Variants in MAPK4 observed in about 807,000 individuals in gnomAD.
The protein encoded by MAPK4 is mitogen-activated protein kinase 4.
A neutral mutation model predicts 47.7 loss-of-function variants in MAPK4; 22 were observed. The observed-to-expected ratio is 0.46, with a 90% confidence interval of 0.33 to 0.66. The LOEUF is 0.66. MAPK4 is among the 30% of genes least tolerant of loss of function. The pLI, the probability that MAPK4 is intolerant of heterozygous loss-of-function variation, is 0.02. For missense variants in MAPK4, 736 were observed against 831.7 expected, an observed-to-expected ratio of 0.88 and a Z score of 1.42; for synonymous variants, 390 against 365.7, an observed-to-expected ratio of 1.07 and a Z score of -0.76.
At chr18:50,561,992 C>T (rs534732863) in intron 1 of MAPK4, among the ~76,000 whole-genome samples, 1 of 152,222 alleles carries the variant, frequency 6.6e-6, no homozygotes, top group African/African-American at 2.4e-5. Flanking sequence ...ACTGTCATAC[C>T]GTGCTTAAAC....
chr18:50,565,309 G>C (rs1477581412), intron 1 of MAPK4, among the ~76,000 whole-genome samples: 1 of 152,210 alleles, frequency 6.6e-6, no homozygotes, highest in African/African-American at 2.4e-5. Context: ...GGCAGGGATC[G>C]TTCCGGTTTA....
chr18:50,693,458 A>G (rs1381250418), intron 2 of MAPK4, among the ~76,000 whole-genome samples: 1 of 152,184 alleles, frequency 6.6e-6, no homozygotes, highest in Non-Finnish European at 1.5e-5. Context: ...AAAGAGACAG[A>G]AAAAAATACA....
intron 1 of MAPK4, among the ~76,000 whole-genome samples, chr18:50,588,295 C>T (rs2042405944): frequency 6.6e-6 from 1 of 152,164 alleles, no homozygotes; most frequent in Non-Finnish European, 1.5e-5. Flanking sequence ...GCTTTGCTGT[C>T]ATGTCTCACA....
chr18:50,621,318 G>A (rs1196735616), intron 1 of MAPK4, among the ~76,000 whole-genome samples: 1 of 152,104 alleles, frequency 6.6e-6, no homozygotes, highest in African/African-American at 2.4e-5. Context: ...ACAACTAAAG[G>A]ACAAAAATAA....
Position 50,726,143 on chromosome 18 carries a change from C to G in MAPK4, c.1035C>G (p.Ser345Arg), listed in dbSNP as rs749227781. Residue 345 changes from serine to arginine, a missense_variant, in exon 5 of 6, where the codon AGC becomes AGG. By Grantham distance (110) the Ser-to-Arg change is moderately radical. Coordinates refer to ENST00000400384, the MANE Select transcript of MAPK4 (RefSeq NM_002747.4). Reference sequence around the variant, plus strand: ...TCGTGCTGATGGCCGCTAACCAGAGCCAGCTGTCCAACTGGGACACGTGCA... The same window carrying G: ...TCGTGCTGATGGCCGCTAACCAGAGGCAGCTGTCCAACTGGGACACGTGCA... ...DDIVLMAANQ[S>R]QLSNWDTCSS... 3 of 1,614,106 alleles carry G rather than the reference C, an allele frequency of 1.9e-6. No homozygotes were observed. The highest frequency in any genetic ancestry group is 2.2e-5 in the East Asian group (1 of 44,880).
intron 5 of MAPK4, among the ~76,000 whole-genome samples, chr18:50,727,593 A>T (rs796817659): frequency 6.6e-6 from 1 of 152,204 alleles, no homozygotes; most frequent in African/African-American, 2.4e-5. Flanking sequence ...GAGAGCCTGG[A>T]GGCAAAGAAC....
chr18:50,626,558 G>A (rs2042780338), intron 1 of MAPK4, among the ~76,000 whole-genome samples: 1 of 152,216 alleles, frequency 6.6e-6, no homozygotes, highest in South Asian at 2.1e-4. Context: ...TGTCACATGT[G>A]GCCCACTTGC....
chr18:50,726,874 A>G (rs1468487914), intron 5 of MAPK4, among the ~76,000 whole-genome samples: 1 of 151,274 alleles, frequency 6.6e-6, no homozygotes. Context: ...AAAAAATGCC[A>G]TTAACGGGGG....
At chr18:50,690,715 T>C (rs558761803) in intron 2 of MAPK4, among the ~76,000 whole-genome samples, 1 of 152,358 alleles carries the variant, frequency 6.6e-6, no homozygotes, top group Admixed American at 6.5e-5. Context: ...TTGTCATTCC[T>C]CTTAGGGAAT....
chr18:50,668,802 GA>G (rs1907760435), intron 2 of MAPK4, among the ~76,000 whole-genome samples: 1 of 152,214 alleles, frequency 6.6e-6, no homozygotes, highest in Admixed American at 6.5e-5. Flanking sequence ...AACTGGAAGG[GA>G]AGGAGACTCG....
At chr18:50,633,983 T>C (rs1327772089) in intron 1 of MAPK4, among the ~76,000 whole-genome samples, 1 of 152,132 alleles carries the variant, frequency 6.6e-6, no homozygotes, top group East Asian at 1.9e-4. Flanking sequence ...TAAATTTGGA[T>C]TTGGGGAGGG....
chr18:50,727,848 G>C (rs1222452878), intron 5 of MAPK4, among the ~76,000 whole-genome samples: 1 of 152,196 alleles, frequency 6.6e-6, no homozygotes, highest in East Asian at 1.9e-4. Flanking sequence ...TAAAGCGGGG[G>C]TGATAACACA....
intron 2 of MAPK4, among the ~76,000 whole-genome samples, chr18:50,699,218 A>C (rs1452066184): frequency 2.6e-5 from 4 of 152,220 alleles, no homozygotes; most frequent in Non-Finnish European, 5.9e-5. Flanking sequence ...TGTGAATGAT[A>C]TAACCAGGAA....
At chr18:50,697,717 G>T (rs904536296) in intron 2 of MAPK4, among the ~76,000 whole-genome samples, 1 of 152,182 alleles carries the variant, frequency 6.6e-6, no homozygotes, top group East Asian at 1.9e-4. Context: ...GTAGGAAGCC[G>T]AATAACATCA....
intron 2 of MAPK4, among the ~76,000 whole-genome samples, chr18:50,688,085 C>A (rs1908991759): frequency 6.6e-6 from 1 of 152,168 alleles, no homozygotes; most frequent in South Asian, 2.1e-4. Context: ...GCTGGCACTT[C>A]TCTGGGGTAT....
chr18:50,640,398 A>T (rs1047221055), intron 1 of MAPK4, among the ~76,000 whole-genome samples: 7 of 151,902 alleles, frequency 4.6e-5, no homozygotes, highest in Admixed American at 3.3e-4. Context: ...AAAAAAAAAA[A>T]AATTATATGG....
In MAPK4 at chr18:50,669,735, T is replaced by G. The variant is rs1490169846; in HGVS notation, c.546+5231T>G. ...TTGCAGCAGTACTTCTAAAATTAGG[T>G]GGGTATGGTATAATACAAGTTACTT... On this transcript the variant is annotated intron_variant, in intron 2 of 5. Transcript: ENST00000400384. 3 of 152,226 alleles carry G rather than the reference T, an allele frequency of 2.0e-5. No homozygotes were observed. In the East Asian group the frequency reaches 5.8e-4, roughly 29 times the overall value. 9.4% of individuals were successfully genotyped at this position (152,226 alleles called of 1,614,324 possible). A position where few individuals can be genotyped will look rare whatever the true frequency, so the allele number is the denominator to read the frequency against.
chr18:50,633,200 G>A (rs984651311), intron 1 of MAPK4, among the ~76,000 whole-genome samples: 1 of 152,188 alleles, frequency 6.6e-6, no homozygotes, highest in African/African-American at 2.4e-5. Context: ...AGATGGAAAG[G>A]ACACAAGGTC....
chr18:50,716,288 T>C (rs895097299), intron 3 of MAPK4, among the ~76,000 whole-genome samples: 4 of 152,124 alleles, frequency 2.6e-5, no homozygotes, highest in Non-Finnish European at 4.4e-5. Flanking sequence ...CCTCATTCTG[T>C]AGCAGTAGTC....
Sources: allele counts gnomAD v4.1 joint callset (sites outside exome capture counted in the v4.1 genomes callset), GRCh38; gene constraint gnomAD v4.1.1; transcripts MANE v1.5; gene names NCBI Gene and HGNC (gene_info 2026-07-23, HGNC 2026-07-21).